ZNF804B: variants seen among roughly 807,000 people sequenced by gnomAD.
ZNF804B encodes the protein zinc finger protein 804B.
ZNF804B carries 80 observed loss-of-function variants against 101.4 expected under a neutral mutation model. That is an observed-to-expected ratio of 0.79 (90% confidence interval 0.66 to 0.95). The LOEUF (loss-of-function observed/expected upper bound fraction) is 0.95. Among genes scored for constraint, ZNF804B ranks in the 40% least tolerant of loss-of-function variants. The pLI is 0.00. For synonymous variants in ZNF804B, 622 were observed against 558.8 expected, an observed-to-expected ratio of 1.11 and a Z score of -1.59; for missense variants, 1,673 against 1,561.9, an observed-to-expected ratio of 1.07 and a Z score of -1.20.
At chr7:88,916,233 G>T (rs747653863) in intron 1 of ZNF804B, among the ~76,000 whole-genome samples, 14 of 151,884 alleles carry the variant, frequency 9.2e-5, no homozygotes, top group Non-Finnish European at 1.6e-4. Flanking sequence ...TTATATTTGG[G>T]TTGTATTGAA....
intron 1 of ZNF804B, among the ~76,000 whole-genome samples, chr7:88,858,779 A>G (rs962198609): frequency 2.0e-5 from 3 of 152,294 alleles, no homozygotes; most frequent in African/African-American, 7.2e-5. Flanking sequence ...ATTTTCCAGA[A>G]TAATGATTTT....
chr7:89,139,635 T>C (rs1208126378), intron 1 of ZNF804B, among the ~76,000 whole-genome samples: 1 of 152,082 alleles, frequency 6.6e-6, no homozygotes, highest in East Asian at 1.9e-4. Context: ...AAACACTTTC[T>C]TTGCTCATCC....
At chr7:89,265,291 TGTGCGCGTGCGCGC>T (rs1789773875) in intron 2 of ZNF804B, among the ~76,000 whole-genome samples, 4 of 63,730 alleles carry the variant, frequency 6.3e-5, no homozygotes, top group Admixed American at 3.7e-4. Flanking sequence ...TGTGTGTGTG[TGTGCGCGTGCGCGC>T]GCGCACACAT....
intron 2 of ZNF804B, among the ~76,000 whole-genome samples, chr7:89,222,979 A>AT (rs1454687191): frequency 6.6e-6 from 1 of 151,898 alleles, no homozygotes; most frequent in East Asian, 1.9e-4. Context: ...AATTACCTCA[A>AT]TTTTGGATGA....
intron 1 of ZNF804B, among the ~76,000 whole-genome samples, chr7:88,987,002 C>A (rs1312505349): frequency 2.6e-5 from 4 of 152,022 alleles, no homozygotes; most frequent in Non-Finnish European, 4.4e-5. Context: ...TTCTTTGGAG[C>A]CTGTTATTCA....
chr7:89,271,293 T>C (rs555888462), intron 2 of ZNF804B, among the ~76,000 whole-genome samples: 1,612 of 152,290 alleles, frequency 0.011, 31 homozygotes, highest in African/African-American at 0.037. Context: ...TTGAATTTTG[T>C]CAAAGGCCTT....
In ZNF804B at chr7:88,797,281, C is replaced by T. The variant is rs145538574; in HGVS notation, c.108+37197C>T. Among the ~76,000 whole-genome samples the T allele has an allele frequency of 1.6e-4, 24 of 152,196 alleles. No individual in the cohort carries two copies. In the East Asian group the frequency reaches 4.6e-3, roughly 29 times the overall value. ...TGATTTACACTACCTCTTTCATAGT[C>T]CTACTTCTTTATTTGGATTATAATA... is the stretch of plus-strand genomic sequence containing the variant. On this transcript the variant is annotated intron_variant, in intron 1 of 3. Coordinates refer to ENST00000333190, the MANE Select transcript of ZNF804B (RefSeq NM_181646.5).
At chr7:89,205,901 C>T (rs918735292) in intron 1 of ZNF804B, among the ~76,000 whole-genome samples, 1 of 152,190 alleles carries the variant, frequency 6.6e-6, no homozygotes, top group Non-Finnish European at 1.5e-5. Context: ...CAGAGGTTCT[C>T]CACAAGGCCC....
intron 1 of ZNF804B, among the ~76,000 whole-genome samples, chr7:88,980,576 A>C (rs953261120): frequency 6.6e-6 from 1 of 152,098 alleles, no homozygotes; most frequent in Non-Finnish European, 1.5e-5. Context: ...CTTAGAGTTA[A>C]CCATCTTTGT....
chr7:88,991,623 C>T (rs1793847754), intron 1 of ZNF804B, among the ~76,000 whole-genome samples: 1 of 152,166 alleles, frequency 6.6e-6, no homozygotes. Context: ...GGGCTACTCT[C>T]TGCCTGTGGG....
intron 1 of ZNF804B, among the ~76,000 whole-genome samples, chr7:88,996,245 C>T (rs1562854730): frequency 6.6e-6 from 1 of 152,028 alleles, no homozygotes; most frequent in Non-Finnish European, 1.5e-5. Flanking sequence ...CAGTGCCTTG[C>T]ACTTCCTTTC....
At chr7:88,804,241 G>T (rs1158895664) in intron 1 of ZNF804B, among the ~76,000 whole-genome samples, 8 of 152,142 alleles carry the variant, frequency 5.3e-5, no homozygotes, top group Non-Finnish European at 1.0e-4. Context: ...AAAGCACTCT[G>T]ATAGTAAACT....
intron 1 of ZNF804B, among the ~76,000 whole-genome samples, chr7:89,031,913 G>A (rs1788841684): frequency 6.6e-6 from 1 of 151,928 alleles, no homozygotes; most frequent in Non-Finnish European, 1.5e-5. Flanking sequence ...GAATTGTTTA[G>A]CGTAGCTAGA....
intron 1 of ZNF804B, among the ~76,000 whole-genome samples, chr7:89,013,637 G>T (rs1208817071): frequency 3.3e-5 from 5 of 152,152 alleles, no homozygotes; most frequent in Non-Finnish European, 7.4e-5. Context: ...TTTGTAGGGG[G>T]AACATTCAAT....
intron 1 of ZNF804B, among the ~76,000 whole-genome samples, chr7:89,039,901 C>T (rs917214242): frequency 2.6e-4 from 40 of 151,922 alleles, no homozygotes; most frequent in African/African-American, 4.8e-5. Flanking sequence ...ATGCTGCTTT[C>T]GAAATTCTCT....
chr7:89,007,446 TTATATATATATATATATATATA>T lies in ZNF804B; in HGVS notation c.109-210691_109-210670del, dbSNP rs61374091. On this transcript the variant is annotated intron_variant, in intron 1 of 3. Coordinates refer to ENST00000333190, the MANE Select transcript of ZNF804B (RefSeq NM_181646.5). ...ATGTTATCTAAAGTTATCCATGATT[TTATATATATATATATATATATA>T]TATATATATATATATATGTCAACCT... is the stretch of plus-strand genomic sequence containing the variant. Among the ~76,000 whole-genome samples, 27 of 57,200 alleles carry T rather than the reference TTATATATATATATATATATATA, an allele frequency of 4.7e-4. 2 individuals are homozygous for T. In the East Asian group the frequency reaches 0.019, roughly 39 times the overall value. The allele number at this position is 57,200 out of a possible 152,430, so 37.5% of individuals were successfully genotyped here.
chr7:89,235,452 C>A (rs997759990), intron 2 of ZNF804B, among the ~76,000 whole-genome samples: 1 of 152,078 alleles, frequency 6.6e-6, no homozygotes. Context: ...AAATCCATAT[C>A]AAAAATCTGA....
intron 1 of ZNF804B, among the ~76,000 whole-genome samples, chr7:89,115,904 GT>G (rs112266242): frequency 0.096 from 14,040 of 146,052 alleles, 714 homozygotes; most frequent in Middle Eastern, 0.15. Context: ...AGGTTTTTTT[GT>G]TTTTTTTTTT....
At chr7:89,072,092 T>C (rs914823584) in intron 1 of ZNF804B, among the ~76,000 whole-genome samples, 1 of 152,182 alleles carries the variant, frequency 6.6e-6, no homozygotes, top group South Asian at 2.1e-4. Flanking sequence ...CTCTTCTCTG[T>C]AGGTACAGAT....
Sources: allele counts gnomAD v4.1 joint callset (sites outside exome capture counted in the v4.1 genomes callset), GRCh38; gene constraint gnomAD v4.1.1; transcripts MANE v1.5; gene names NCBI Gene and HGNC (gene_info 2026-07-23, HGNC 2026-07-21).